The following FAF1 variants were observed in gnomAD, a reference collection of about 807,000 sequenced individuals.
The protein encoded by FAF1 is Fas associated factor 1.
FAF1 carries 25 observed loss-of-function variants against 92.5 expected under a neutral mutation model. The observed-to-expected ratio is 0.27, with a 90% CI of 0.20 to 0.38. The LOEUF (loss-of-function observed/expected upper bound fraction) is 0.38. Ranked by LOEUF, FAF1 falls within the 10% of genes least tolerant of loss-of-function variation. FAF1 has a pLI of 1.00. For missense variants in FAF1, 636 were observed against 793.3 expected (o/e 0.80, Z 2.38); for synonymous variants, 234 against 273.2 (o/e 0.86, Z 1.42).
intron 8 of FAF1, among the ~76,000 whole-genome samples, chr1:50,630,362 A>T (rs1653715444): frequency 6.6e-6 from 1 of 152,222 alleles, no homozygotes. Context: ...TACATCTGAA[A>T]TTTACAAACA....
intron 18 of FAF1, among the ~76,000 whole-genome samples, chr1:50,459,304 A>G (rs1325716289): frequency 2.0e-5 from 3 of 152,034 alleles, no homozygotes; most frequent in African/African-American, 7.2e-5. Context: ...ACTACCCAAT[A>G]AAGTCTCTCT....
intron 14 of FAF1, among the ~76,000 whole-genome samples, chr1:50,537,377 A>T (rs1166079040): frequency 1.3e-5 from 2 of 152,128 alleles, no homozygotes; most frequent in Non-Finnish European, 2.9e-5. Context: ...GACAGAGAAA[A>T]AGTATACCAG....
At chr1:50,703,310 T>C (rs889556482) in intron 7 of FAF1, among the ~76,000 whole-genome samples, 4 of 152,084 alleles carry the variant, frequency 2.6e-5, no homozygotes, top group Admixed American at 1.3e-4. Flanking sequence ...CAAGAAAAAA[T>C]GTACATACTT....
At chr1:50,813,469 A>G (rs542289258) in intron 2 of FAF1, among the ~76,000 whole-genome samples, 2 of 151,486 alleles carry the variant, frequency 1.3e-5, no homozygotes, top group Admixed American at 6.6e-5. Context: ...TTTTAAAAAA[A>G]TTTTTTTTTG....
chr1:50,676,464 TA>T (rs202132117), intron 7 of FAF1, among the ~76,000 whole-genome samples: 1 of 148,082 alleles, frequency 6.8e-6, no homozygotes. Context: ...CTTATTTCAG[TA>T]AAAAAAAAGA....
At chr1:50,642,989 T>C (rs866606449) in intron 8 of FAF1, among the ~76,000 whole-genome samples, 24 of 152,078 alleles carry the variant, frequency 1.6e-4, no homozygotes, top group Middle Eastern at 3.4e-3. Context: ...TACAGGCACC[T>C]GCCATCATGC....
chr1:50,546,094 A>C (rs1649002945), intron 13 of FAF1, among the ~76,000 whole-genome samples: 1 of 152,200 alleles, frequency 6.6e-6, no homozygotes, highest in South Asian at 2.1e-4. Flanking sequence ...TGAGGCCAGG[A>C]ATTTGAAGTT....
intron 8 of FAF1, among the ~76,000 whole-genome samples, chr1:50,653,208 T>A (rs1569683890): frequency 6.6e-6 from 1 of 151,558 alleles, no homozygotes; most frequent in African/African-American, 2.4e-5. Flanking sequence ...CACAAACACA[T>A]CCCTATCCTT....
chr1:50,642,204 G>GA (rs1199936049), intron 8 of FAF1, among the ~76,000 whole-genome samples: 2,589 of 78,400 alleles, frequency 0.033, 70 homozygotes, highest in African/African-American at 0.093. Flanking sequence ...CTTTGTCTCA[G>GA]AAAAAAAAAA....
Position 50,596,227 on chromosome 1 carries a change from T to G in FAF1, c.745-11A>C, listed in dbSNP as rs759846832. On this transcript the variant is annotated splice_polypyrimidine_tract_variant and intron_variant, in intron 8 of 18. Transcript: ENST00000396153. ...TTCAGCAAGACACATCTGCAAAAAG[T>G]AGAATCCATCATTTGTAAACAAAAT... 1.3e-6 allele frequency: 2 copies of G among 1,590,494 alleles called. No individual in the cohort carries two copies. The highest frequency in any genetic ancestry group is 3.4e-5 in the Admixed American group (2 of 58,896).
At chr1:50,746,297 T>A (rs1364104220) in intron 4 of FAF1, among the ~76,000 whole-genome samples, 12 of 48,792 alleles carry the variant, frequency 2.5e-4, no homozygotes, top group Non-Finnish European at 3.3e-4. Context: ...TATATATTTT[T>A]TTTTTTTTTT....
intron 6 of FAF1, among the ~76,000 whole-genome samples, chr1:50,708,016 G>A (rs895625668): frequency 6.6e-6 from 1 of 152,134 alleles, no homozygotes; most frequent in Non-Finnish European, 1.5e-5. Flanking sequence ...CACTATGTTG[G>A]TCACACTGGT....
intron 2 of FAF1, among the ~76,000 whole-genome samples, chr1:50,819,657 C>A (rs1644014345): frequency 7.3e-6 from 1 of 136,896 alleles, no homozygotes; most frequent in Admixed American, 7.6e-5. Context: ...CACACACACA[C>A]ACACACACAC....
intron 15 of FAF1, among the ~76,000 whole-genome samples, chr1:50,502,523 T>C (rs1647004885): frequency 6.6e-6 from 1 of 152,134 alleles, no homozygotes; most frequent in Non-Finnish European, 1.5e-5. Context: ...AAAAGTACAG[T>C]ATTGGTTTCA....
At chr1:50,881,004 A>T (rs890091152) in intron 1 of FAF1, among the ~76,000 whole-genome samples, 9 of 152,206 alleles carry the variant, frequency 5.9e-5, no homozygotes, top group African/African-American at 2.2e-4. Flanking sequence ...TTAAATGTCA[A>T]CATCACTAGC....
intron 17 of FAF1, among the ~76,000 whole-genome samples, chr1:50,476,197 T>C (rs546651609): frequency 1.3e-5 from 2 of 152,340 alleles, no homozygotes; most frequent in African/African-American, 4.8e-5. Context: ...GTGGTGGTGG[T>C]TGGACAATAC....
intron 12 of FAF1, among the ~76,000 whole-genome samples, chr1:50,578,051 T>C (rs1650831693): frequency 6.6e-6 from 1 of 152,230 alleles, no homozygotes; most frequent in South Asian, 2.1e-4. Context: ...ACTTAGTGAT[T>C]AACTATATAC....
chr1:50,692,293 G>GTGTGTGTGTGTGT (rs1553128968), intron 7 of FAF1, among the ~76,000 whole-genome samples: 1 of 142,262 alleles, frequency 7.0e-6, no homozygotes, highest in Admixed American at 7.0e-5. Flanking sequence ...GTGTGTGTGT[G>GTGTGTGTGTGTGT]GTGGGAACAT....
At chr1:50,516,693 T>C (rs555292478) in intron 15 of FAF1, among the ~76,000 whole-genome samples, 3 of 152,342 alleles carry the variant, frequency 2.0e-5, no homozygotes, top group African/African-American at 7.2e-5. Flanking sequence ...TTCTCCATGG[T>C]TGGCTGGTCC....
Sources: gnomAD v4.1 joint callset for allele counts (sites outside exome capture counted in the v4.1 genomes callset) on GRCh38, gnomAD v4.1.1 for gene constraint, MANE v1.5 for transcripts, NCBI Gene and HGNC (gene_info 2026-07-23, HGNC 2026-07-21) for gene names.